The following COMMD1 variants were observed in gnomAD, a reference collection of about 807,000 sequenced individuals.
The protein encoded by COMMD1 is COMM domain-containing protein 1.
COMMD1 carries 10 observed loss-of-function variants against 17.2 expected under a neutral mutation model. The observed-to-expected ratio is 0.58, with a 90% CI of 0.36 to 0.99. COMMD1 has a LOEUF of 0.99. Ranked by LOEUF, COMMD1 falls within the 50% of genes least tolerant of loss-of-function variation. The pLI, the probability that COMMD1 is intolerant of heterozygous loss-of-function variation, is 0.01. For synonymous variants in COMMD1, 97 were observed against 91.6 expected (o/e 1.06, Z -0.34); for missense variants, 270 against 231.8 (o/e 1.17, Z -1.07).
chr2:61,891,893 A>G, intron 1 of COMMD1, among the ~76,000 whole-genome samples: 1 of 151,412 alleles, frequency 6.6e-6, no homozygotes, highest in Non-Finnish European at 1.5e-5. Flanking sequence ...GTGCAGTGGC[A>G]CAATCTCGGC....
At chr2:61,909,047 G>A (rs1340034850) in intron 1 of COMMD1, among the ~76,000 whole-genome samples, 1 of 152,096 alleles carries the variant, frequency 6.6e-6, no homozygotes, top group East Asian at 1.9e-4. Context: ...TCCTGCCTCA[G>A]CCTCCTGAGT....
At chr2:61,924,963 C>T (rs888954113) in intron 1 of COMMD1, among the ~76,000 whole-genome samples, 3 of 152,050 alleles carry the variant, frequency 2.0e-5, no homozygotes, top group African/African-American at 4.8e-5. Flanking sequence ...GCCTGGAGGC[C>T]GGAGGAAGCC....
At chr2:62,090,694 C>T (rs770187868) in intron 2 of COMMD1, 2 of 152,144 alleles carry the variant, frequency 1.3e-5, no homozygotes, top group Admixed American at 6.5e-5. Context: ...GGCCCTTCCC[C>T]GTATACCAGA....
intron 2 of COMMD1, among the ~76,000 whole-genome samples, chr2:62,127,993 G>T (rs34455866): frequency 0.084 from 12,169 of 144,026 alleles, 692 homozygotes; most frequent in Non-Finnish European, 0.12. Context: ...CTGCACTTCA[G>T]CCTGGGAGAC....
chr2:62,099,311 A>C (rs1269663776), intron 2 of COMMD1, among the ~76,000 whole-genome samples: 3 of 152,158 alleles, frequency 2.0e-5, no homozygotes, highest in Non-Finnish European at 4.4e-5. Context: ...ATGCCACCTA[A>C]GTACGATTCC....
intron 1 of COMMD1, among the ~76,000 whole-genome samples, chr2:61,893,810 CAA>C (rs113358661): frequency 1.6e-4 from 18 of 110,938 alleles, no homozygotes; most frequent in Admixed American, 2.8e-4. Flanking sequence ...ACCTCCATCT[CAA>C]AAAAAAAAAA....
intron 2 of COMMD1, among the ~76,000 whole-genome samples, chr2:62,049,036 G>T (rs181967700): frequency 6.6e-6 from 1 of 151,902 alleles, no homozygotes; most frequent in Non-Finnish European, 1.5e-5. Flanking sequence ...AGTTAAAATG[G>T]GTGAGGGAAA....
At chr2:61,918,066 A>G (rs1199567509) in intron 1 of COMMD1, among the ~76,000 whole-genome samples, 3 of 152,208 alleles carry the variant, frequency 2.0e-5, no homozygotes, top group South Asian at 4.1e-4. Flanking sequence ...TTGCCAATGC[A>G]CTGATAAAGT....
intron 2 of COMMD1, among the ~76,000 whole-genome samples, chr2:62,041,420 A>G (rs1429339590): frequency 6.6e-6 from 1 of 151,996 alleles, no homozygotes; most frequent in Non-Finnish European, 1.5e-5. Flanking sequence ...TTTTGTTAGT[A>G]TTTTGAGATA....
rs535634805 is a variant in COMMD1 at position 61,908,206 on chromosome 2, A to G, written c.180+2348A>G. 4.3e-3 allele frequency among the ~76,000 whole-genome samples: 640 copies of G among 150,042 alleles called. 3 individuals carry two copies. The highest frequency in any genetic ancestry group is 7.4e-3 in the Non-Finnish European group (501 of 67,714). On this transcript the variant is annotated intron_variant, in intron 1 of 2. Coordinates refer to ENST00000311832, the MANE Select transcript of COMMD1 (RefSeq NM_152516.4). ...AAACCGTGGGCTCAGGATGACATTC[A>G]GTTCCAATCTTTATTGAACTCTTTT...
intron 2 of COMMD1, among the ~76,000 whole-genome samples, chr2:62,035,911 G>A (rs570835613): frequency 6.0e-4 from 91 of 151,976 alleles, no homozygotes; most frequent in African/African-American, 1.5e-3. Flanking sequence ...AAAATTAGCC[G>A]TGTGTTGTGG....
intron 2 of COMMD1, among the ~76,000 whole-genome samples, chr2:62,068,290 T>G (rs1047818567): frequency 6.6e-6 from 1 of 152,228 alleles, no homozygotes; most frequent in Non-Finnish European, 1.5e-5. Flanking sequence ...TGACTCAAAA[T>G]GGATCATAAA....
intron 2 of COMMD1, among the ~76,000 whole-genome samples, chr2:62,066,857 T>C (rs1573140302): frequency 6.6e-6 from 1 of 151,664 alleles, no homozygotes; most frequent in East Asian, 2.0e-4. Context: ...TCCCGAGTAG[T>C]TGGGATTACA....
chr2:62,014,216 AG>A (rs1415132099), intron 2 of COMMD1, among the ~76,000 whole-genome samples: 1 of 152,194 alleles, frequency 6.6e-6, no homozygotes, highest in Non-Finnish European at 1.5e-5. Context: ...TCAGCTGTTC[AG>A]GCTGTCTGTT....
chr2:62,037,876 A>G (rs1428914644), intron 2 of COMMD1, among the ~76,000 whole-genome samples: 1 of 152,234 alleles, frequency 6.6e-6, no homozygotes, highest in Non-Finnish European at 1.5e-5. Flanking sequence ...TGGCTGTCAC[A>G]TTAACTAGTT....
intron 2 of COMMD1, among the ~76,000 whole-genome samples, chr2:62,013,102 C>T (rs1254665509): frequency 6.6e-6 from 1 of 152,010 alleles, no homozygotes; most frequent in Non-Finnish European, 1.5e-5. Context: ...CCTTGATTCA[C>T]CTATGGAGAA....
chr2:62,100,838 A>G (rs539821101), intron 2 of COMMD1, among the ~76,000 whole-genome samples: 1 of 152,322 alleles, frequency 6.6e-6, no homozygotes, highest in Admixed American at 6.5e-5. Context: ...AGATCTAGCT[A>G]TGTTAATAGA....
At chr2:61,976,550 A>C (rs1397091722) in intron 1 of COMMD1, among the ~76,000 whole-genome samples, 1 of 152,238 alleles carries the variant, frequency 6.6e-6, no homozygotes, top group African/African-American at 2.4e-5. Context: ...GAAATAGATG[A>C]ATCCACTATT....
intron 2 of COMMD1, among the ~76,000 whole-genome samples, chr2:62,055,066 G>T (rs901641272): frequency 1.3e-5 from 2 of 152,160 alleles, no homozygotes; most frequent in African/African-American, 4.8e-5. Flanking sequence ...ACCATAATCA[G>T]TTGCTTGCAT....
Sources: allele counts gnomAD v4.1 joint callset (sites outside exome capture counted in the v4.1 genomes callset), GRCh38; gene constraint gnomAD v4.1.1; transcripts MANE v1.5; gene names NCBI Gene and HGNC (gene_info 2026-07-23, HGNC 2026-07-21).